Variants in CLASP1 observed in about 807,000 individuals in gnomAD.
CLASP1 encodes cytoplasmic linker associated protein 1.
In CLASP1, 38 loss-of-function variants were observed where a neutral mutation model predicts 192.3. That is an observed-to-expected ratio of 0.20 (90% CI 0.15 to 0.26). CLASP1 has a LOEUF of 0.26. Among genes scored for constraint, CLASP1 ranks in the 10% least tolerant of loss-of-function variants. The pLI is 1.00. For missense variants in CLASP1, 1,433 were observed against 1,932.5 expected, an observed-to-expected ratio of 0.74 and a Z score of 4.85; for synonymous variants, 691 against 712.8, an observed-to-expected ratio of 0.97 and a Z score of 0.49.
intron 2 of CLASP1, among the ~76,000 whole-genome samples, chr2:121,538,067 A>C (rs1308199032): frequency 6.6e-6 from 1 of 152,112 alleles, no homozygotes; most frequent in Admixed American, 6.5e-5. Flanking sequence ...CCACTGTACA[A>C]TTTCTGTTCA....
chr2:121,647,796 A>G (rs1218292121), intron 1 of CLASP1, among the ~76,000 whole-genome samples: 1 of 152,214 alleles, frequency 6.6e-6, no homozygotes, highest in African/African-American at 2.4e-5. Flanking sequence ...TGACACCTCC[A>G]CCACCAACAA....
intron 1 of CLASP1, among the ~76,000 whole-genome samples, chr2:121,647,084 T>C (rs1333265474): frequency 6.8e-6 from 1 of 146,748 alleles, no homozygotes. Context: ...CCAGTAAACA[T>C]GGGCCGAGCG....
chr2:121,474,760 G>A (rs994925504), intron 8 of CLASP1, among the ~76,000 whole-genome samples: 2 of 151,976 alleles, frequency 1.3e-5, no homozygotes, highest in African/African-American at 2.4e-5. Context: ...AGGAGGAAAG[G>A]GCATACTGAG....
intron 2 of CLASP1, among the ~76,000 whole-genome samples, chr2:121,598,219 C>T (rs2063372633): frequency 6.6e-6 from 1 of 152,188 alleles, no homozygotes; most frequent in African/African-American, 2.4e-5. Context: ...TGAATGTATG[C>T]TTATTTAAAT....
intron 23 of CLASP1, among the ~76,000 whole-genome samples, chr2:121,413,346 A>C (rs2078041957): frequency 6.6e-6 from 1 of 152,242 alleles, no homozygotes. Context: ...AGACTCGGTG[A>C]ATTGGTAACA....
chr2:121,515,085 T>C (rs1211293535), intron 7 of CLASP1, among the ~76,000 whole-genome samples: 4 of 152,228 alleles, frequency 2.6e-5, no homozygotes, highest in African/African-American at 9.6e-5. Context: ...AAATTATACA[T>C]ATCTGATCAC....
intron 34 of CLASP1, among the ~76,000 whole-genome samples, chr2:121,372,171 A>G (rs1026388512): frequency 2.0e-5 from 3 of 152,262 alleles, no homozygotes; most frequent in African/African-American, 7.2e-5. Flanking sequence ...TGTGGATAAT[A>G]AGCAAATAAT....
chr2:121,583,007 A>C lies in CLASP1; in HGVS notation c.195+22694T>G, dbSNP rs185449818. The stretch of plus-strand genomic sequence containing the variant: ...CACCATGTTGGCAAGGCTGGCCTCA[A>C]ACTCCTGACCTCAAGTGATCCACCC... On this transcript the variant is annotated intron_variant, in intron 2 of 39. Transcript: ENST00000263710. 4.3e-3 allele frequency among the ~76,000 whole-genome samples: 658 copies of C among 151,966 alleles called. 14 individuals carry two copies. Among genetic ancestry groups the C allele is most frequent in the Admixed American group, 0.031 (469 of 15,268 alleles).
chr2:121,624,710 C>G (rs530532653), intron 1 of CLASP1, among the ~76,000 whole-genome samples: 37 of 152,326 alleles, frequency 2.4e-4, no homozygotes, highest in African/African-American at 8.2e-4. Flanking sequence ...AGCCAGTGCG[C>G]CCAGCCCAGG....
Position 121,367,569 on chromosome 2 carries a change from TAA to T in CLASP1, c.3886+17_3886+18del, listed in dbSNP as rs748671391. The T allele has an allele frequency of 1.2e-6, 2 of 1,613,716 alleles. No homozygotes were observed. The highest frequency in any genetic ancestry group is 1.7e-6 in the Non-Finnish European group (2 of 1,179,754). ...GGAAGCACTTCTGGGTGGGGACAGT[TAA>T]GAAAAGAGACACCAACCGTCTCGAA... On this transcript the variant is annotated intron_variant, in intron 35 of 39. Transcript: ENST00000263710.
At chr2:121,456,151 A>G (rs1398017376) in intron 14 of CLASP1, among the ~76,000 whole-genome samples, 2 of 152,112 alleles carry the variant, frequency 1.3e-5, no homozygotes, top group Non-Finnish European at 2.9e-5. Context: ...ATGTATACAC[A>G]TTATCAACAC....
intron 8 of CLASP1, among the ~76,000 whole-genome samples, chr2:121,483,492 ATGTGTGTATATATATGTATGTATATATG>A (rs1559387842): frequency 7.3e-5 from 11 of 151,600 alleles, no homozygotes; most frequent in Admixed American, 4.6e-4. Context: ...GTATATATAT[ATGTGTGTATATATATGTATGTATATATG>A]TGTGTGTATA....
chr2:121,585,137 G>C (rs910004008), intron 2 of CLASP1, among the ~76,000 whole-genome samples: 40 of 152,206 alleles, frequency 2.6e-4, no homozygotes, highest in African/African-American at 9.2e-4. Flanking sequence ...GCTAGTGACG[G>C]AAGGTCTAAA....
At chr2:121,375,521 GCCCAGC>G (rs2069885118) in intron 34 of CLASP1, among the ~76,000 whole-genome samples, 2 of 151,844 alleles carry the variant, frequency 1.3e-5, no homozygotes, top group Non-Finnish European at 2.9e-5. Flanking sequence ...GCACCACCAA[GCCCAGC>G]TAATTTTTAT....
chr2:121,641,956 C>T (rs943205016), intron 1 of CLASP1, among the ~76,000 whole-genome samples: 1 of 150,506 alleles, frequency 6.6e-6, no homozygotes, highest in African/African-American at 2.4e-5. Context: ...CCCAGGAGTT[C>T]GAGTAGCCTA....
intron 2 of CLASP1, among the ~76,000 whole-genome samples, chr2:121,569,929 C>T (rs1396559489): frequency 1.3e-5 from 2 of 152,208 alleles, no homozygotes; most frequent in African/African-American, 2.4e-5. Flanking sequence ...GACAATAGCA[C>T]ATAGTGGTTA....
At chr2:121,387,191 C>T (rs530938834) in exon 32 of CLASP1, 30 of 1,609,578 alleles carry the variant, frequency 1.9e-5, no homozygotes, top group South Asian at 3.3e-5. Context: ...GCTGGTGTGT[C>T]GGGAGGGCGT....
chr2:121,598,763 G>C (rs1053249999), intron 2 of CLASP1, among the ~76,000 whole-genome samples: 1 of 152,206 alleles, frequency 6.6e-6, no homozygotes, highest in Admixed American at 6.5e-5. Context: ...GGAATAAATG[G>C]TAGCCATTAA....
intron 2 of CLASP1, among the ~76,000 whole-genome samples, chr2:121,535,114 C>T (rs1202153327): frequency 8.5e-5 from 13 of 152,064 alleles, no homozygotes; most frequent in Admixed American, 8.5e-4. Flanking sequence ...GCCACCTCTA[C>T]GAAAAAATAC....
Sources: gnomAD v4.1 joint callset for allele counts (sites outside exome capture counted in the v4.1 genomes callset) on GRCh38, gnomAD v4.1.1 for gene constraint, MANE v1.5 for transcripts, NCBI Gene and HGNC (gene_info 2026-07-23, HGNC 2026-07-21) for gene names.